The following KCTD3 variants were observed in gnomAD, a reference collection of about 807,000 sequenced individuals.
The protein encoded by KCTD3 is potassium channel tetramerization domain containing 3.
A neutral mutation model predicts 85.8 loss-of-function variants in KCTD3; 41 were observed. The ratio of observed to expected loss-of-function variants is 0.48; its 90% CI spans 0.37 to 0.62. The LOEUF (loss-of-function observed/expected upper bound fraction) is 0.62, where lower values mean the gene tolerates loss of function less well. Ranked by LOEUF, KCTD3 falls within the 20% of genes least tolerant of loss-of-function variation. The pLI, the probability that KCTD3 is intolerant of heterozygous loss-of-function variation, is 0.00. For synonymous variants in KCTD3, 338 were observed against 345.4 expected, an observed-to-expected ratio of 0.98 and a Z score of 0.24; for missense variants, 724 against 989.9, an observed-to-expected ratio of 0.73 and a Z score of 3.60.
intron 9 of KCTD3, 74 bp from the exon 10 acceptor site, chr1:215,595,282 G>A (rs1381776653): frequency 2.2e-6 from 2 of 899,230 alleles, no homozygotes; most frequent in African/African-American, 3.3e-5. Flanking sequence ...CCTTTAAGAT[G>A]TTTTTAATCC....
intron 1 of KCTD3, among the ~76,000 whole-genome samples, chr1:215,569,593 CTTTTT>C (rs754210465): frequency 7.7e-6 from 1 of 130,520 alleles, no homozygotes; most frequent in South Asian, 2.5e-4. Flanking sequence ...GGCACTGTAA[CTTTTT>C]TTTTTTTTTT....
rs576438421 is a variant in KCTD3, at chr1:215,620,864, C to T, written c.*246C>T. ...TTTATAAAGCAGGAGTCCATTTTAA[C>T]ACTTACCGACTTTTTTTGGTTTGGA... On this transcript the variant is annotated 3_prime_UTR_variant, in exon 18 of 18. Coordinates refer to ENST00000259154, the MANE Select transcript of KCTD3 (RefSeq NM_016121.5). 13 of 442,686 alleles carry T rather than the reference C, an allele frequency of 2.9e-5. No individual in the cohort carries two copies. The highest frequency in any genetic ancestry group is 6.3e-5 in the South Asian group (1 of 15,886). 27.4% of individuals were successfully genotyped at this position (442,686 alleles called of 1,614,324 possible). A position where few individuals can be genotyped will look rare whatever the true frequency, so the allele number is the denominator to read the frequency against.
In KCTD3 at chr1:215,579,053, G is replaced by C. The variant is rs371164388; in HGVS notation, c.451G>C (p.Gly151Arg). Reference protein sequence around the residue: ...NTVRSADSRNGLNSTEGEARG... With the variant: ...NTVRSADSRNRLNSTEGEARG... ...AGTCAGATCTGCTGATTCTAGGAAT[G>C]GTCTAAATTCTACAGAAGGTGAAGC... The change falls in exon 7 of 18, where the codon GGT (glycine) becomes CGT (arginine). Residue 151 changes from glycine to arginine, a missense_variant. Coordinates refer to ENST00000259154, the MANE Select transcript of KCTD3 (RefSeq NM_016121.5). The C allele has an allele frequency of 1.3e-6, 2 of 1,588,062 alleles. No homozygotes were observed. Among genetic ancestry groups the C allele is most frequent in the African/African-American group, 2.7e-5 (2 of 72,882 alleles).
intron 2 of KCTD3, 110 bp downstream of exon 2, chr1:215,573,949 T>C: frequency 5.2e-6 from 5 of 970,370 alleles, no homozygotes; most frequent in Non-Finnish European, 7.6e-6. Flanking sequence ...CTTAAAATTA[T>C]ATATTTTTGA....
At chr1:215,574,464 A>G (rs1027194437) in intron 3 of KCTD3, among the ~76,000 whole-genome samples, 1 of 152,158 alleles carries the variant, frequency 6.6e-6, no homozygotes. Context: ...AAGAGGTTAA[A>G]TTAGTAAACT....
intron 1 of KCTD3, among the ~76,000 whole-genome samples, chr1:215,568,181 T>G (rs1457149942): frequency 6.6e-6 from 1 of 152,220 alleles, no homozygotes; most frequent in East Asian, 1.9e-4. Context: ...CCTTTCTCTT[T>G]GGTCAACGAG....
At chr1:215,590,204 T>A (rs1660158667) in intron 9 of KCTD3, among the ~76,000 whole-genome samples, 1 of 152,222 alleles carries the variant, frequency 6.6e-6, no homozygotes. Flanking sequence ...TTAAGCATCG[T>A]TTCCTGTACT....
chr1:215,584,711 A>G (rs1165188664), intron 8 of KCTD3, among the ~76,000 whole-genome samples: 1 of 152,152 alleles, frequency 6.6e-6, no homozygotes, highest in Admixed American at 6.5e-5. Context: ...GATTCCTTAA[A>G]CAAGTCCATA....
rs374649981 is a variant in KCTD3, at chr1:215,620,226, G to A, written c.2056G>A (p.Glu686Lys). ...LNRNVERAVP[E>K]NGNLGPIQAE... ...CAGAAATGTAGAAAGAGCTGTCCCT[G>A]AAAATGGTAACTTGGGTCCAATACA... is the stretch of plus-strand genomic sequence containing the variant. The change falls in exon 18 of 18, where the codon GAA becomes AAA. Residue 686 changes from glutamate (E) to lysine (K), a missense_variant. Around this residue, in one of 6 missense-constraint regions of KCTD3, gnomAD observed 222 missense variants for 217.7 expected, o/e 1.02. Transcript: ENST00000259154. 1.9e-6 allele frequency: 3 copies of A among 1,613,926 alleles called. No individual in the cohort carries two copies. The highest frequency in any genetic ancestry group is 2.5e-6 in the Non-Finnish European group (3 of 1,179,852).
intron 3 of KCTD3, 44 bp from the exon 4 acceptor site, chr1:215,575,856 AG>A (rs1233343167): frequency 9.3e-7 from 1 of 1,079,894 alleles, no homozygotes; most frequent in Non-Finnish European, 1.4e-6. Context: ...TAAAGTTAAA[AG>A]ATTAATTTGT....
chr1:215,578,755 T>A (rs1159634285), intron 6 of KCTD3, among the ~76,000 whole-genome samples: 1 of 152,226 alleles, frequency 6.6e-6, no homozygotes, highest in Non-Finnish European at 1.5e-5. Context: ...AACCTAAAGC[T>A]TATTTATTGT....
In KCTD3 at chr1:215,619,261, A is replaced by G. The variant is rs1018778657; in HGVS notation, c.1856A>G (p.Gln619Arg). The G allele has an allele frequency of 2.5e-6, 4 of 1,613,704 alleles. No individual in the cohort carries two copies. The highest frequency in any genetic ancestry group is 3.4e-6 in the Non-Finnish European group (4 of 1,179,780). The change falls in exon 17 of 18, where the codon CAG (glutamine) becomes CGG (arginine). Residue 619 changes from glutamine (Q) to arginine (R), a missense_variant. Gln to Arg is a conservative substitution (Grantham distance 43). Coordinates refer to ENST00000259154, the MANE Select transcript of KCTD3 (RefSeq NM_016121.5). Reference protein sequence around the residue: ...PNISPATSVVQHSHLRESNSS... With the variant: ...PNISPATSVVRHSHLRESNSS... ...ATCAGTCCAGCAACTTCCGTAGTTC[A>G]GCATAGCCACTTACGAGAATCAAAT...
At chr1:215,595,504 A>G (rs1341262036) in intron 10 of KCTD3, 33 bp downstream of exon 10, 1 of 1,244,798 alleles carries the variant, frequency 8.0e-7, no homozygotes, top group Non-Finnish European at 1.2e-6. Context: ...AAGTGAAAAT[A>G]TTTCTGAAAT....
At chr1:215,588,860 C>A (rs1660114841) in intron 9 of KCTD3, among the ~76,000 whole-genome samples, 1 of 152,138 alleles carries the variant, frequency 6.6e-6, no homozygotes, top group Non-Finnish European at 1.5e-5. Flanking sequence ...TCTGCCAAAT[C>A]TTTAGATTGA....
chr1:215,569,064 C>T (rs1659262837), intron 1 of KCTD3, among the ~76,000 whole-genome samples: 1 of 151,960 alleles, frequency 6.6e-6, no homozygotes, highest in Non-Finnish European at 1.5e-5. Context: ...TAATCATTTA[C>T]AATCCCTACA....
intron 14 of KCTD3, among the ~76,000 whole-genome samples, chr1:215,610,589 T>G (rs1655193592): frequency 6.6e-6 from 1 of 151,992 alleles, no homozygotes; most frequent in South Asian, 2.1e-4. Flanking sequence ...ATATTTTGAC[T>G]TTGTTTATGA....
intron 10 of KCTD3, among the ~76,000 whole-genome samples, chr1:215,597,446 C>T (rs1654638914): frequency 2.0e-5 from 3 of 152,172 alleles, no homozygotes; most frequent in Admixed American, 2.0e-4. Context: ...ATATTGGAAA[C>T]ATAGGTTATA....
In KCTD3 at chr1:215,567,622, A is replaced by G. The variant is rs1011985916; in HGVS notation, c.-64A>G. The G allele has an allele frequency of 9.3e-7, 1 of 1,069,754 alleles. No homozygotes were observed. The highest frequency in any genetic ancestry group is 4.8e-5 in the South Asian group (1 of 20,824). 66.3% of individuals were successfully genotyped at this position (1,069,754 alleles called of 1,614,324 possible). A position where few individuals can be genotyped will look rare whatever the true frequency, so the allele number is the denominator to read the frequency against. ...AGCCGTCGCCGCTGCCTCGGGCTAC[A>G]GCCCCGGGCTCGGCGGTCCCGGCTG... On this transcript the variant is annotated 5_prime_UTR_variant, in exon 1 of 18. Coordinates refer to ENST00000259154, the MANE Select transcript of KCTD3 (RefSeq NM_016121.5).
Position 215,586,660 on chromosome 1 carries a change from G to A in KCTD3, c.792G>A (p.Gln264=). 6.2e-7 allele frequency: 1 copy of A among 1,611,518 alleles called. No individual in the cohort carries two copies. Among genetic ancestry groups the A allele is most frequent in the Non-Finnish European group, 8.5e-7 (1 of 1,178,806 alleles). The change falls in exon 9 of 18, where the codon CAG becomes CAA. Residue 264 remains glutamine, a synonymous_variant. Transcript: ENST00000259154. Reference sequence around the variant, plus strand: ...GTAGCATCATCTTGTGGAGTGTTCAGGATGGGGGAAGTGGAAGTGAAATTG... The same window carrying A: ...GTAGCATCATCTTGTGGAGTGTTCAAGATGGGGGAAGTGGAAGTGAAATTG... The part of the protein sequence containing the change: ...SESSIILWSV[Q]DGGSGSEIGV...
Sources: allele counts gnomAD v4.1 joint callset (sites outside exome capture counted in the v4.1 genomes callset), GRCh38; gene constraint gnomAD v4.1.1; regional missense constraint gnomAD v4.1.1; transcripts MANE v1.5; gene names NCBI Gene and HGNC (gene_info 2026-07-23, HGNC 2026-07-21).